Variants in PIK3AP1 observed in about 807,000 individuals in gnomAD.
PIK3AP1 encodes phosphoinositide 3-kinase adapter protein 1.
A neutral mutation model predicts 88.1 loss-of-function variants in PIK3AP1; 21 were observed. That is an observed-to-expected ratio of 0.24 (90% CI 0.17 to 0.34). PIK3AP1 has a LOEUF of 0.34. PIK3AP1 is among the 10% of genes least tolerant of loss of function. The pLI, the probability that PIK3AP1 is intolerant of heterozygous loss-of-function variation, is 1.00. For missense variants in PIK3AP1, 828 were observed against 1,035.7 expected (o/e 0.80, Z 2.75); for synonymous variants, 398 against 400.0 (o/e 1.00, Z 0.06).
At chr10:96,646,259 A>G in intron 7 of PIK3AP1, among the ~76,000 whole-genome samples, 1 of 93,390 alleles carries the variant, frequency 1.1e-5, no homozygotes, top group East Asian at 2.5e-4. Flanking sequence ...GACTCTGTCT[A>G]AAAAAAAAAA....
intron 2 of PIK3AP1, among the ~76,000 whole-genome samples, chr10:96,698,906 A>G (rs1355203413): frequency 6.6e-6 from 1 of 151,826 alleles, no homozygotes; most frequent in Non-Finnish European, 1.5e-5. Context: ...GGCCCGGCGT[A>G]GTGGCTCACG....
At chr10:96,680,777 C>T (rs1475066810) in intron 2 of PIK3AP1, among the ~76,000 whole-genome samples, 2 of 152,142 alleles carry the variant, frequency 1.3e-5, no homozygotes, top group East Asian at 3.8e-4. Context: ...AACAGGTAGT[C>T]AACTATAAAT....
intron 2 of PIK3AP1, among the ~76,000 whole-genome samples, chr10:96,701,786 G>C (rs572464697): frequency 2.0e-5 from 3 of 152,190 alleles, no homozygotes; most frequent in African/African-American, 7.2e-5. Context: ...GAAATTAACA[G>C]AGATTCACAA....
intron 16 of PIK3AP1, among the ~76,000 whole-genome samples, chr10:96,597,513 C>G (rs1411043177): frequency 6.6e-6 from 1 of 151,890 alleles, no homozygotes; most frequent in Non-Finnish European, 1.5e-5. Context: ...GGACAATAGG[C>G]AAAAAATCAG....
At chr10:96,656,652 A>C (rs1475884462) in intron 3 of PIK3AP1, 146 bp downstream of exon 3, 9 of 1,182,012 alleles carry the variant, frequency 7.6e-6, no homozygotes, top group Non-Finnish European at 8.4e-6. Flanking sequence ...GGCCCGGGTA[A>C]CAGGGTACTC....
intron 8 of PIK3AP1, among the ~76,000 whole-genome samples, chr10:96,633,667 A>G (rs1469087001): frequency 6.6e-6 from 1 of 152,252 alleles, no homozygotes; most frequent in Non-Finnish European, 1.5e-5. Context: ...TTCTTTAAAC[A>G]GGACCTTTAT....
rs956789719 is a variant in PIK3AP1, at chr10:96,690,525, C to T, written c.430+19042G>A. On this transcript the variant is annotated intron_variant, in intron 2 of 16. Coordinates refer to ENST00000339364, the MANE Select transcript of PIK3AP1 (RefSeq NM_152309.3). ...ACAATTCACCTTGGCTCCCAAAGTG[C>T]TGGAATTATAGGTGTGAACCATTGC... 4.3e-4 allele frequency among the ~76,000 whole-genome samples: 65 copies of T among 152,148 alleles called. 2 individuals carry two copies.
intron 2 of PIK3AP1, among the ~76,000 whole-genome samples, chr10:96,666,948 T>C (rs1000572838): frequency 6.6e-6 from 1 of 152,000 alleles, no homozygotes; most frequent in Non-Finnish European, 1.5e-5. Context: ...TTCCTATTCC[T>C]GGTCTGGGGT....
In PIK3AP1 at chr10:96,597,904, T is replaced by TG. The variant is rs1848807491; in HGVS notation, c.2361-2271dup. Among the ~76,000 whole-genome samples the TG allele has an allele frequency of 2.0e-5, 3 of 152,198 alleles. No individual in the cohort carries two copies. In the South Asian group the frequency reaches 6.2e-4, roughly 31 times the overall value. On this transcript the variant is annotated intron_variant, in intron 16 of 16. Coordinates refer to ENST00000339364, the MANE Select transcript of PIK3AP1 (RefSeq NM_152309.3). ...GCTTTCTGCTGCCACACTGTGCAGT[T>TG]GGGGTGGGCCTATGGGCATACCCTC...
intron 14 of PIK3AP1, among the ~76,000 whole-genome samples, chr10:96,607,793 A>C (rs950534190): frequency 6.6e-6 from 1 of 152,240 alleles, no homozygotes; most frequent in Non-Finnish European, 1.5e-5. Flanking sequence ...ATGCTGGCTC[A>C]TGAATGACCC....
At chr10:96,611,728 A>G (rs994306724) in intron 13 of PIK3AP1, among the ~76,000 whole-genome samples, 3 of 152,156 alleles carry the variant, frequency 2.0e-5, no homozygotes, top group African/African-American at 7.2e-5. Context: ...TCAGCCTCCC[A>G]AAGTGCTGGG....
chr10:96,669,343 C>T (rs1443868090), intron 2 of PIK3AP1, among the ~76,000 whole-genome samples: 3 of 152,152 alleles, frequency 2.0e-5, no homozygotes, highest in Non-Finnish European at 2.9e-5. Context: ...GAGCTTACTA[C>T]GAAGTTTCCT....
At chr10:96,704,527 G>A (rs1293250064) in intron 2 of PIK3AP1, among the ~76,000 whole-genome samples, 1 of 152,056 alleles carries the variant, frequency 6.6e-6, no homozygotes, top group East Asian at 1.9e-4. Flanking sequence ...AGACCAGCCT[G>A]GCCAACATGG....
At chr10:96,682,502 C>T (rs1275202346) in intron 2 of PIK3AP1, among the ~76,000 whole-genome samples, 2 of 152,192 alleles carry the variant, frequency 1.3e-5, no homozygotes, top group Non-Finnish European at 2.9e-5. Context: ...TCTTCCGTTT[C>T]CTCAAGGAAG....
At chr10:96,644,263 C>T (rs1843429863) in intron 8 of PIK3AP1, among the ~76,000 whole-genome samples, 1 of 152,128 alleles carries the variant, frequency 6.6e-6, no homozygotes, top group Non-Finnish European at 1.5e-5. Flanking sequence ...GTTTCATGTC[C>T]CTCGTGACTT....
In PIK3AP1 at chr10:96,637,730, G is replaced by T. The variant is rs765539616; in HGVS notation, c.1375+7743C>A. On this transcript the variant is annotated intron_variant, in intron 8 of 16. Coordinates refer to ENST00000339364, the MANE Select transcript of PIK3AP1 (RefSeq NM_152309.3). ...GGGTGTTTCCAGAAAAGGAGCATGC[G>T]AGTAGAAAAGATCCACCCTCAAGGT... Among the ~76,000 whole-genome samples the T allele has an allele frequency of 1.4e-4, 21 of 152,062 alleles. 1 individual carries two copies. Among genetic ancestry groups the T allele is most frequent in the Non-Finnish European group, 3.1e-4 (21 of 68,014 alleles).
At chr10:96,609,605 C>T (rs1849067312) in intron 14 of PIK3AP1, 107 bp downstream of exon 14, 4 of 1,323,296 alleles carry the variant, frequency 3.0e-6, no homozygotes, top group African/African-American at 1.5e-5. Flanking sequence ...CCAAACCAGG[C>T]CCCACTGGAG....
At chr10:96,654,806 G>A (rs1843592414) in intron 3 of PIK3AP1, among the ~76,000 whole-genome samples, 1 of 152,216 alleles carries the variant, frequency 6.6e-6, no homozygotes, top group Non-Finnish European at 1.5e-5. Context: ...CCTGACCAGA[G>A]GGGCATGGGG....
chr10:96,605,625 A>T (rs909992660), intron 14 of PIK3AP1, among the ~76,000 whole-genome samples: 2 of 152,370 alleles, frequency 1.3e-5, no homozygotes, highest in Non-Finnish European at 2.9e-5. Context: ...TAGTCAAAAA[A>T]TAGTTTTGAC....
Sources: allele counts gnomAD v4.1 joint callset (sites outside exome capture counted in the v4.1 genomes callset), GRCh38; gene constraint gnomAD v4.1.1; transcripts MANE v1.5; gene names NCBI Gene and HGNC (gene_info 2026-07-23, HGNC 2026-07-21).